Variants in PTK2B observed in about 807,000 individuals in gnomAD.
The protein encoded by PTK2B is protein tyrosine kinase 2 beta, also known as protein-tyrosine kinase 2-beta.
In PTK2B, 71 loss-of-function variants were observed where a neutral mutation model predicts 142.9. The ratio of observed to expected loss-of-function variants is 0.50; its 90% CI spans 0.41 to 0.61. The LOEUF (loss-of-function observed/expected upper bound fraction) is 0.61, where lower values mean the gene tolerates loss of function less well. Among genes scored for constraint, PTK2B ranks in the 20% least tolerant of loss-of-function variants. The probability of loss-of-function intolerance (pLI) is 0.00; values close to 1 mark genes in which losing one functional copy is unlikely to be tolerated. For missense variants in PTK2B, 1,105 were observed against 1,320.4 expected (o/e 0.84, Z 2.53); for synonymous variants, 519 against 503.4 (o/e 1.03, Z -0.42).
intron 8 of PTK2B, 37 bp downstream of exon 8, chr8:27,431,053 G>T: frequency 6.3e-7 from 1 of 1,592,890 alleles, no homozygotes; most frequent in South Asian, 1.1e-5. Flanking sequence ...CCCTGACCTG[G>T]ATTCCAGGCC....
At position 27,363,725 on chromosome 8, in the gene PTK2B, A is replaced by G. The variant is rs1238575735; in HGVS notation, c.-37-33823A>G. Among the ~76,000 whole-genome samples the G allele has an allele frequency of 6.6e-6, 1 of 152,116 alleles. No homozygotes were observed. On this transcript the variant is annotated intron_variant, in intron 1 of 30. Coordinates refer to ENST00000346049, the MANE Select transcript of PTK2B (RefSeq NM_173176.3). The surrounding 1 kb of genome is among the most constrained non-coding windows in gnomAD (Gnocchi z 4.3). The stretch of plus-strand genomic sequence containing the variant: ...ATGTCCTGTCTGAGTAGGCTGCATG[A>G]TGACTATTGATTGGCTGAAGCCCCA...
At chr8:27,371,347 A>G (rs1158579205) in intron 1 of PTK2B, among the ~76,000 whole-genome samples, 1 of 152,098 alleles carries the variant, frequency 6.6e-6, no homozygotes, top group Non-Finnish European at 1.5e-5. Context: ...CGGCGGCTGG[A>G]GGTGGGCCTG....
chr8:27,456,275 T>C (rs1412239678), intron 30 of PTK2B, among the ~76,000 whole-genome samples: 1 of 152,256 alleles, frequency 6.6e-6, no homozygotes, highest in Non-Finnish European at 1.5e-5. Flanking sequence ...GCAAGCCTAT[T>C]GGTGCCATTT....
At chr8:27,418,964 G>C (rs1459257238) in intron 2 of PTK2B, among the ~76,000 whole-genome samples, 1 of 152,104 alleles carries the variant, frequency 6.6e-6, no homozygotes, top group African/African-American at 2.4e-5. Flanking sequence ...GGAGGCGGAG[G>C]TTGCAGTGAG....
chr8:27,436,472 G>A (rs2241654), intron 15 of PTK2B, 124 bp downstream of exon 15: 294,612 of 755,984 alleles, frequency 0.39, 61,080 homozygotes, highest in African/African-American at 0.59. Context: ...GTCCCTAAGG[G>A]CCTCTTGTCC....
intron 1 of PTK2B, among the ~76,000 whole-genome samples, chr8:27,332,272 T>A (rs995882876): frequency 3.3e-5 from 5 of 152,250 alleles, no homozygotes; most frequent in African/African-American, 1.2e-4. Context: ...CTTCAAGCCT[T>A]CCTTTTCTCA....
intron 1 of PTK2B, among the ~76,000 whole-genome samples, chr8:27,371,014 G>T (rs1806323823): frequency 6.6e-6 from 1 of 151,998 alleles, no homozygotes; most frequent in African/African-American, 2.4e-5. Context: ...TTCCACCTCA[G>T]CCTCCCAAGA....
chr8:27,322,441 G>A (rs148985953), upstream of PTK2B: 9 of 152,302 alleles, frequency 5.9e-5, no homozygotes, highest in East Asian at 1.7e-3. Context: ...GTGAAGACAA[G>A]CTAGACGGCA....
intron 2 of PTK2B, among the ~76,000 whole-genome samples, chr8:27,405,035 CCTCTCTCT>C (rs3076734): frequency 1.1e-4 from 13 of 119,634 alleles, no homozygotes; most frequent in Admixed American, 6.4e-4. Context: ...TCTTTCTCTT[CCTCTCTCT>C]CTCTCTCTCT....
chr8:27,347,229 A>AT (rs386412406), intron 1 of PTK2B, among the ~76,000 whole-genome samples: 1 of 151,202 alleles, frequency 6.6e-6, no homozygotes, highest in African/African-American at 2.4e-5. Context: ...AAAAAAAAAA[A>AT]ATTAACCAAG....
chr8:27,318,862 G>A (rs1165403464), intron 3 of PTK2B, among the ~76,000 whole-genome samples: 2 of 152,100 alleles, frequency 1.3e-5, no homozygotes, highest in African/African-American at 4.8e-5. Context: ...TGTCGGCCAG[G>A]CTGGTCTCAA....
chr8:27,426,612 C>T (rs757551895), intron 5 of PTK2B, among the ~76,000 whole-genome samples: 28 of 152,184 alleles, frequency 1.8e-4, no homozygotes, highest in Non-Finnish European at 4.0e-4. Flanking sequence ...TGTTCAGTTG[C>T]TCCAAATGTT....
chr8:27,341,113 G>A (rs1586114247), intron 1 of PTK2B, among the ~76,000 whole-genome samples: 2 of 152,204 alleles, frequency 1.3e-5, no homozygotes, highest in Admixed American at 6.5e-5. Context: ...GGAGTAGAAG[G>A]CGCTGTGGTG....
chr8:27,439,548 T>A, intron 20 of PTK2B, 150 bp downstream of exon 20: 1 of 862,754 alleles, frequency 1.2e-6, no homozygotes, highest in Non-Finnish European at 1.8e-6. Context: ...GTCTCAGAGG[T>A]GGGGAGGCCA....
intron 12 of PTK2B, 81 bp from the exon 13 acceptor site, chr8:27,434,432 G>T: frequency 7.0e-7 from 1 of 1,432,620 alleles, no homozygotes. Flanking sequence ...GGGGGCAGGA[G>T]GAGAGGGCGG....
intron 2 of PTK2B, among the ~76,000 whole-genome samples, chr8:27,408,850 G>C (rs1225362397): frequency 6.6e-6 from 1 of 152,210 alleles, no homozygotes; most frequent in Non-Finnish European, 1.5e-5. Flanking sequence ...ACCACAAACA[G>C]AGTGATGTGA....
intron 1 of PTK2B, among the ~76,000 whole-genome samples, chr8:27,352,276 CT>C (rs1259344006): frequency 6.6e-6 from 1 of 152,202 alleles, no homozygotes; most frequent in Middle Eastern, 3.2e-3. Flanking sequence ...TGCCAAAGTG[CT>C]TTTTTCACCC....
At chr8:27,427,419 C>T (rs1810152696) in intron 5 of PTK2B, among the ~76,000 whole-genome samples, 1 of 152,192 alleles carries the variant, frequency 6.6e-6, no homozygotes, top group South Asian at 2.1e-4. Context: ...CTGTCAAATC[C>T]TTAGAGTCAG....
intron 3 of PTK2B, among the ~76,000 whole-genome samples, chr8:27,319,369 A>G (rs1042723170): frequency 3.4e-5 from 5 of 148,200 alleles, no homozygotes; most frequent in African/African-American, 1.2e-4. Flanking sequence ...AGGGTGGGGC[A>G]TGGTGGCTCA....
Sources: allele counts gnomAD v4.1 joint callset (sites outside exome capture counted in the v4.1 genomes callset), GRCh38; gene constraint gnomAD v4.1.1; non-coding constraint Gnocchi (gnomAD v3.1); transcripts MANE v1.5; gene names NCBI Gene and HGNC (gene_info 2026-07-23, HGNC 2026-07-21).